The following NCL variants were observed in gnomAD, a reference collection of about 807,000 sequenced individuals.
NCL encodes nucleolin multifunctional protein.
NCL carries 4 observed loss-of-function variants against 77.7 expected under a neutral mutation model. The ratio of observed to expected loss-of-function variants is 0.05; its 90% CI spans 0.03 to 0.12. NCL has a LOEUF of 0.12. NCL is among the 10% of genes least tolerant of loss of function. The pLI, the probability that NCL is intolerant of heterozygous loss-of-function variation, is 1.00. For synonymous variants in NCL, 344 were observed against 297.8 expected (o/e 1.16, Z -1.60); for missense variants, 763 against 860.9 (o/e 0.89, Z 1.42).
In NCL at chr2:231,454,993, T is replaced by C. The variant is rs1344101172; in HGVS notation, c.*198A>G. The C allele has an allele frequency of 8.8e-6, 5 of 570,704 alleles. No homozygotes were observed. The highest frequency in any genetic ancestry group is 3.0e-5 in the Admixed American group (1 of 33,150). 35.4% of individuals were successfully genotyped at this position (570,704 alleles called of 1,614,324 possible). ...GGGTTAGCTCTATCACTCAACTCTT[T>C]AAAAAGTTTATATGAATATCCAGTC... On this transcript the variant is annotated 3_prime_UTR_variant, in exon 14 of 14. Transcript: ENST00000322723.
At chr2:231,460,992 C>A in intron 3 of NCL, 126 bp from the exon 4 acceptor site, 1 of 822,078 alleles carries the variant, frequency 1.2e-6, no homozygotes, top group Non-Finnish European at 2.0e-6. Context: ...GAATAGATCA[C>A]TTGGGGCCGG....
chr2:231,456,336 T>C, intron 11 of NCL, 200 bp from the exon 12 acceptor site: 1 of 871,300 alleles, frequency 1.1e-6, no homozygotes, highest in Non-Finnish European at 1.8e-6. Flanking sequence ...ATAGTTGATA[T>C]CCTGCCCCAG....
rs1169434214 is a variant in NCL, at chr2:231,458,617, C to T, written c.1166-228G>A. ...ACTCTCTGTTAGGTACACTGGAGTTCAACCTAGAGTAGACGCGCATAACAA... is the reference window on the plus strand; with the variant it reads ...ACTCTCTGTTAGGTACACTGGAGTTTAACCTAGAGTAGACGCGCATAACAA... On this transcript the variant is annotated intron_variant, in intron 7 of 13. Transcript: ENST00000322723. 2.8e-5 allele frequency: 16 copies of T among 575,834 alleles called. No homozygotes were observed. In the East Asian group the frequency reaches 4.0e-4, roughly 14 times the overall value. The allele number at this position is 575,834 out of a possible 1,614,324, so 35.7% of individuals were successfully genotyped here.
chr2:231,462,936 G>A (rs1559543085), intron 2 of NCL: 1 of 412,334 alleles, frequency 2.4e-6, no homozygotes, highest in South Asian at 2.7e-5. Context: ...CTGGAAAAAT[G>A]TAATGATTTA....
At position 231,455,054 on chromosome 2, in the gene NCL, A is replaced by T; in HGVS notation, c.*137T>A. The T allele has an allele frequency of 1.1e-6, 1 of 916,452 alleles. No individual in the cohort carries two copies. Among genetic ancestry groups the T allele is most frequent in the Non-Finnish European group, 1.7e-6 (1 of 588,902 alleles). 56.8% of individuals were successfully genotyped at this position (916,452 alleles called of 1,614,324 possible). A position where few individuals can be genotyped will look rare whatever the true frequency, so the allele number is the denominator to read the frequency against. ...CGGTATTGCCCTTGAAATGTTAACTAGACGGATTTCCAAGGAGACCACAGG... is the reference window on the plus strand; with the variant it reads ...CGGTATTGCCCTTGAAATGTTAACTTGACGGATTTCCAAGGAGACCACAGG... On this transcript the variant is annotated 3_prime_UTR_variant, in exon 14 of 14. Coordinates refer to ENST00000322723, the MANE Select transcript of NCL (RefSeq NM_005381.3).
rs753338551 is a variant in NCL at position 231,455,295 on chromosome 2, A to C, written c.2057-28T>G. ...ACAGGAGGAAGGCAAGACACTGTTA[A>C]AAGAATGGGTACAAAGCTCCTCCTC... On this transcript the variant is annotated intron_variant, in intron 13 of 13. Transcript: ENST00000322723. The C allele has an allele frequency of 3.7e-6, 6 of 1,614,060 alleles. No individual in the cohort carries two copies. In the South Asian group the frequency reaches 4.4e-5, roughly 12 times the overall value.
chr2:231,458,189 A>G, intron 8 of NCL, 77 bp downstream of exon 8: 1 of 1,555,524 alleles, frequency 6.4e-7, no homozygotes, highest in Non-Finnish European at 8.7e-7. Flanking sequence ...AAGGAAATCA[A>G]ACCAATATTT....
At chr2:231,456,297 C>A in intron 11 of NCL, 161 bp from the exon 12 acceptor site, 1 of 960,180 alleles carries the variant, frequency 1.0e-6, no homozygotes, top group East Asian at 2.4e-5. Context: ...AAAGGCTATT[C>A]TGGGTTTACA....
At position 231,455,190 on chromosome 2, in the gene NCL, G is replaced by A. The variant is rs1167080929; in HGVS notation, c.*1C>T. 1.2e-6 allele frequency: 2 copies of A among 1,614,184 alleles called. No homozygotes were observed. Among genetic ancestry groups the A allele is most frequent in the African/African-American group, 2.7e-5 (2 of 75,054 alleles). Reference sequence around the variant, plus strand: ...GAAAAGGGAAAGCAGAGGGACAGAAGCTATTCAAACTTCGTCTTCTTTCCT... The same window carrying A: ...GAAAAGGGAAAGCAGAGGGACAGAAACTATTCAAACTTCGTCTTCTTTCCT... On this transcript the variant is annotated 3_prime_UTR_variant, in exon 14 of 14. Transcript: ENST00000322723.
At position 231,461,709 on chromosome 2, in the gene NCL, CTCT is replaced by C; in HGVS notation, c.441_443del (p.Glu149del). The C allele has an allele frequency of 1.9e-6, 3 of 1,614,190 alleles. No individual in the cohort carries two copies. The highest frequency in any genetic ancestry group is 1.1e-5 in the South Asian group (1 of 91,088). Reference sequence around the variant, plus strand: ...CATCCTCCTCACTGTCATCATCCTCCTCTTCATCACTGTCTTCCTTCTTGGCAT... The same window carrying C: ...CATCCTCCTCACTGTCATCATCCTCCTCATCACTGTCTTCCTTCTTGGCAT... On this transcript the variant is annotated inframe_deletion, in exon 3 of 14. Transcript: ENST00000322723.
At position 231,460,313 on chromosome 2, in the gene NCL, C is replaced by T; in HGVS notation, c.899-20G>A. The T allele has an allele frequency of 6.2e-7, 1 of 1,613,976 alleles. No homozygotes were observed. The highest frequency in any genetic ancestry group is 8.5e-7 in the Non-Finnish European group (1 of 1,179,898). On this transcript the variant is annotated intron_variant, in intron 5 of 13. Transcript: ENST00000322723. ...CTGTGCCTGCACAAAAAAAGCTCAA[C>T]TCAGTCTACTTGTAGTGTGGTAAAA... is the stretch of plus-strand genomic sequence containing the variant.
rs1477956523 is a variant in NCL, at chr2:231,457,744, T to C, written c.1346A>G (p.Lys449Arg). 6.2e-7 allele frequency: 1 copy of C among 1,613,132 alleles called. No homozygotes were observed. Among genetic ancestry groups the C allele is most frequent in the South Asian group, 1.1e-5 (1 of 90,914 alleles). ...EADAEKTFEE[K>R]QGTEIDGRSI... ...TCGCCCATCGATCTCTGTTCCCTGC[T>C]TTTCTTCAAAGGTTTTCTCTGCATC... The change falls in exon 9 of 14, where the codon AAG (lysine) becomes AGG (arginine). Residue 449 changes from lysine (K) to arginine (R), a missense_variant. Physicochemically the swap from Lys to Arg is conservative, Grantham distance 26 (BLOSUM62 2). This residue lies in a region of NCL where 590 missense variants were observed against 570.5 expected (regional missense o/e 1.03). Transcript: ENST00000322723.
chr2:231,461,574 TTCG>T lies in NCL; in HGVS notation c.576_578del (p.Asp192del). The stretch of plus-strand genomic sequence containing the variant: ...CATCGTCATCGTCATCCTCATCATC[TTCG>T]TCATCCTCATCGTCCTCATCCTCTG... On this transcript the variant is annotated inframe_deletion, in exon 3 of 14. Coordinates refer to ENST00000322723, the MANE Select transcript of NCL (RefSeq NM_005381.3). 6.2e-7 allele frequency: 1 copy of T among 1,613,180 alleles called. No homozygotes were observed. Among genetic ancestry groups the T allele is most frequent in the Non-Finnish European group, 8.5e-7 (1 of 1,179,174 alleles).
chr2:231,463,466 G>T lies in NCL; in HGVS notation c.19-150C>A, dbSNP rs1559543309. 5 of 699,394 alleles carry T rather than the reference G, an allele frequency of 7.1e-6. No individual in the cohort carries two copies. In the East Asian group the frequency reaches 1.3e-4, roughly 18 times the overall value. The allele number at this position is 699,394 out of a possible 1,614,324, so 43.3% of individuals were successfully genotyped here. A position where few individuals can be genotyped will look rare whatever the true frequency, so the allele number is the denominator to read the frequency against. On this transcript the variant is annotated intron_variant, in intron 1 of 13. Transcript: ENST00000322723. ...CACAACTAACATAGAAACTACTCCT[G>T]ATGGCAATGCAAGAGGGACTACTCT...
In NCL at chr2:231,464,171, G is replaced by A. The variant is rs900602544; in HGVS notation, c.18+165C>T. 2.5e-5 allele frequency: 36 copies of A among 1,425,386 alleles called. 1 individual carries two copies. The South Asian group carries it at 3.1e-4, about 12-fold the overall frequency. 88.3% of individuals were successfully genotyped at this position (1,425,386 alleles called of 1,614,324 possible). A position where few individuals can be genotyped will look rare whatever the true frequency, so the allele number is the denominator to read the frequency against. ...CAGAAGCTCTTCACCTCGCCACCAA[G>A]TAGCCAGAAGCCGCGAGACCTCCCC... On this transcript the variant is annotated intron_variant, in intron 1 of 13. Transcript: ENST00000322723.
At position 231,456,033 on chromosome 2, in the gene NCL, G is replaced by A. The variant is rs760671544; in HGVS notation, c.1809C>T (p.Asp603=). 2 of 1,614,142 alleles carry A rather than the reference G, an allele frequency of 1.2e-6. No individual in the cohort carries two copies. The highest frequency in any genetic ancestry group is 1.6e-4 in the Middle Eastern group (1 of 6,062). The change falls in exon 12 of 14, where the codon GAC becomes GAT. Residue 603 remains aspartate, a synonymous_variant. Transcript: ENST00000322723. The part of the protein sequence containing the change: ...DGSVRARIVT[D]RETGSSKGFG... ...ACCCTTTGGAGGACCCAGTTTCCCGGTCAGTAACTATCCTTGCCCGAACGG... is the reference window on the plus strand; with the variant it reads ...ACCCTTTGGAGGACCCAGTTTCCCGATCAGTAACTATCCTTGCCCGAACGG...
At chr2:231,463,425 T>A in intron 1 of NCL, 109 bp from the exon 2 acceptor site, 1 of 782,266 alleles carries the variant, frequency 1.3e-6, no homozygotes, top group Non-Finnish European at 2.2e-6. Flanking sequence ...GATCCATTTC[T>A]CATAGTGCCA....
chr2:231,460,970 C>T, intron 3 of NCL, 104 bp from the exon 4 acceptor site: 1 of 978,970 alleles, frequency 1.0e-6, no homozygotes, highest in South Asian at 1.3e-5. Context: ...GTTTAGTTAA[C>T]AGTCATGGCA....
Position 231,460,787 on chromosome 2 carries a change from G to C in NCL, c.693C>G (p.Asn231Lys), listed in dbSNP as rs537836547. 5.6e-6 allele frequency: 9 copies of C among 1,613,764 alleles called. No individual in the cohort carries two copies. Among genetic ancestry groups the C allele is most frequent in the Middle Eastern group, 1.6e-4 (1 of 6,082 alleles). Reference sequence around the variant, plus strand: ...CTTCTTCATCTTCATCCTCAGCCACGTTCTTGGCTTTCACAGGAACAACTT... The same window carrying C: ...CTTCTTCATCTTCATCCTCAGCCACCTTCTTGGCTTTCACAGGAACAACTT... ...AAKVVPVKAK[N>K]VAEDEDEEED... Residue 231 changes from asparagine to lysine, a missense_variant, in exon 4 of 14, where the codon AAC becomes AAG. Around this residue, in one of 2 missense-constraint regions of NCL, gnomAD observed 590 missense variants for 570.5 expected, o/e 1.03. Coordinates refer to ENST00000322723, the MANE Select transcript of NCL (RefSeq NM_005381.3).
Sources: gnomAD v4.1 joint callset for allele counts on GRCh38, gnomAD v4.1.1 for gene constraint, gnomAD v4.1.1 regional missense constraint, MANE v1.5 for transcripts, NCBI Gene and HGNC (gene_info 2026-07-23, HGNC 2026-07-21) for gene names.